Variants in CETP observed in about 807,000 individuals in gnomAD.
The protein encoded by CETP is BPI fold containing family F.
Under a neutral mutation model 66.5 loss-of-function variants are expected in CETP, and 56 were observed. That is an observed-to-expected ratio of 0.84 (90% CI 0.68 to 1.05). CETP has a LOEUF of 1.05. Ranked by LOEUF, CETP falls within the 50% of genes least tolerant of loss-of-function variation. The pLI, the probability that CETP is intolerant of heterozygous loss-of-function variation, is 0.00. For synonymous variants in CETP, 251 were observed against 245.7 expected (o/e 1.02, Z -0.20); for missense variants, 612 against 609.6 (o/e 1.00, Z -0.04).
chr16:56,965,866 C>T lies in CETP; in HGVS notation c.233+2742C>T, dbSNP rs17237946. 9.1e-3 allele frequency among the ~76,000 whole-genome samples: 1,386 copies of T among 151,958 alleles called. 18 individuals carry two copies. The highest frequency in any genetic ancestry group is 0.033 in the African/African-American group (1,349 of 41,370). On this transcript the variant is annotated intron_variant, in intron 2 of 15. Coordinates refer to ENST00000200676, the MANE Select transcript of CETP (RefSeq NM_000078.3). ...GCCCCACCTCTGACCAAGTCCCCGG[C>T]GGCACAGGCAGCACAGATCCTCTGC...
rs530819073 is a variant in CETP, at chr16:56,976,197, C to T, written c.981+1046C>T. The stretch of plus-strand genomic sequence containing the variant: ...ATCTCTAGTGGGGACCCATCTGTAG[C>T]TCCCGGTGGGTCTCCCTGTGTCCTG... On this transcript the variant is annotated intron_variant, in intron 10 of 15. Transcript: ENST00000200676. 2.0e-5 allele frequency among the ~76,000 whole-genome samples: 3 copies of T among 152,320 alleles called. No homozygotes were observed. In the East Asian group the frequency reaches 5.8e-4, roughly 29 times the overall value.
intron 8 of CETP, 118 bp from the exon 9 acceptor site, chr16:56,973,213 C>A: frequency 9.3e-7 from 1 of 1,079,610 alleles, no homozygotes; most frequent in Non-Finnish European, 1.4e-6. Context: ...CAGCTCTTTC[C>A]TCAGTTTCCC....
Position 56,971,850 on chromosome 16 carries a change from C to T in CETP, c.659-142C>T, listed in dbSNP as rs117040820. 7,172 of 750,094 alleles carry T rather than the reference C, an allele frequency of 9.6e-3. 42 individuals carry two copies. Among genetic ancestry groups the T allele is most frequent in the Non-Finnish European group, 0.013 (5,662 of 419,762 alleles). 46.5% of individuals were successfully genotyped at this position (750,094 alleles called of 1,614,324 possible). On this transcript the variant is annotated intron_variant, in intron 7 of 15. Coordinates refer to ENST00000200676, the MANE Select transcript of CETP (RefSeq NM_000078.3). Reference sequence around the variant, plus strand: ...AAAGAGAGAATGAAAAAGTGCCACACCCCTCCCCGCACACCCAGGTCCCAC... The same window carrying T: ...AAAGAGAGAATGAAAAAGTGCCACATCCCTCCCCGCACACCCAGGTCCCAC...
intron 3 of CETP, 25 bp downstream of exon 3, chr16:56,969,545 C>T (rs773552065): frequency 1.9e-6 from 3 of 1,614,228 alleles, no homozygotes; most frequent in Non-Finnish European, 2.5e-6. Flanking sequence ...CAGCTGATGC[C>T]CCATGCCCTG....
intron 2 of CETP, among the ~76,000 whole-genome samples, chr16:56,967,895 G>T (rs2056079350): frequency 6.6e-6 from 1 of 151,164 alleles, no homozygotes; most frequent in South Asian, 2.1e-4. Context: ...GGAATTCGAG[G>T]CTGCAGTGAA....
chr16:56,979,868 T>C (rs2056175958), intron 11 of CETP, among the ~76,000 whole-genome samples: 1 of 152,204 alleles, frequency 6.6e-6, no homozygotes, highest in South Asian at 2.1e-4. Context: ...GTGGAAAATA[T>C]AGAAAAATAG....
Position 56,981,175 on chromosome 16 carries a change from C to A in CETP, c.1164C>A (p.Val388=). ...CTCCCCAGGATATCGTGACTACCGT[C>A]CAGGCCTCCTATTCTAAGAAAAAGC... ...YTFEEDIVTT[V]QASYSKKKLF... is the part of the protein sequence containing the mutation. Residue 388 remains valine, a synonymous_variant, in exon 12 of 16, where the codon GTC becomes GTA. Coordinates refer to ENST00000200676, the MANE Select transcript of CETP (RefSeq NM_000078.3). 1 of 1,613,674 alleles carries A rather than the reference C, an allele frequency of 6.2e-7. No homozygotes were observed. Among genetic ancestry groups the A allele is most frequent in the African/African-American group, 1.3e-5 (1 of 75,048 alleles).
intron 10 of CETP, among the ~76,000 whole-genome samples, chr16:56,977,201 G>A (rs569359327): frequency 5.9e-5 from 9 of 152,236 alleles, no homozygotes; most frequent in East Asian, 3.9e-4. Context: ...GTGAGCTCCC[G>A]CACCCCGCCG....
chr16:56,981,718 G>A (rs765052489), intron 13 of CETP, 38 bp downstream of exon 13: 2 of 1,607,900 alleles, frequency 1.2e-6, no homozygotes, highest in South Asian at 2.2e-5. Flanking sequence ...AATAAGTCCT[G>A]TGGGACCTCC....
intron 13 of CETP, among the ~76,000 whole-genome samples, chr16:56,981,924 C>A (rs538286514): frequency 2.9e-4 from 44 of 152,148 alleles, no homozygotes; most frequent in Non-Finnish European, 4.4e-4. Context: ...ACTGGCCAAG[C>A]AGCGCCTCCC....
Position 56,973,414 on chromosome 16 carries a change from G to A in CETP, c.834G>A (p.Leu278=), listed in dbSNP as rs779630141. 6.2e-7 allele frequency: 1 copy of A among 1,614,202 alleles called. No individual in the cohort carries two copies. Among genetic ancestry groups the A allele is most frequent in the East Asian group, 2.2e-5 (1 of 44,890 alleles). ...SPTLLGDSRM[L]YFWFSERVFH... is the part of the protein sequence containing the mutation. ...CACTGCTGGGGGACTCCCGCATGCTGTACTTCTGGTTCTCTGAGCGAGTCT... is the reference window on the plus strand; with the variant it reads ...CACTGCTGGGGGACTCCCGCATGCTATACTTCTGGTTCTCTGAGCGAGTCT... The change falls in exon 9 of 16, where the codon CTG becomes CTA. Residue 278 remains leucine, a synonymous_variant. Transcript: ENST00000200676.
rs752197781 is a variant in CETP, at chr16:56,969,695, G to A, written c.439+14G>A. 9.9e-6 allele frequency: 16 copies of A among 1,613,142 alleles called. No homozygotes were observed. Among genetic ancestry groups the A allele is most frequent in the South Asian group, 4.4e-5 (4 of 91,078 alleles). On this transcript the variant is annotated intron_variant, in intron 4 of 15. Transcript: ENST00000200676. Reference sequence around the variant, plus strand: ...ACACACAGCTGAGTATGTGTCAAGCGTCCTCTGGGGAAGTGGGAGCTGGAC... The same window carrying A: ...ACACACAGCTGAGTATGTGTCAAGCATCCTCTGGGGAAGTGGGAGCTGGAC...
At position 56,982,336 on chromosome 16, in the gene CETP, T is replaced by G. The variant is rs1420876180; in HGVS notation, c.1321+99T>G. 1.4e-5 allele frequency: 16 copies of G among 1,143,304 alleles called. No homozygotes were observed. The African/African-American group carries it at 2.4e-4, about 17-fold the overall frequency. The allele number at this position is 1,143,304 out of a possible 1,614,324, so 70.8% of individuals were successfully genotyped here. The stretch of plus-strand genomic sequence containing the variant: ...CAGGCAGAGCTTCAGGTGCCCCTCT[T>G]CCCAGTCATTGATACTTAGCGGTCC... On this transcript the variant is annotated intron_variant, in intron 14 of 15. Transcript: ENST00000200676.
chr16:56,962,493 A>G (rs1367029369), intron 1 of CETP: 1 of 428,232 alleles, frequency 2.3e-6, no homozygotes, highest in Non-Finnish European at 4.6e-6. Context: ...GGTTGCCATG[A>G]GCTCAGGTGA....
chr16:56,962,154 T>C lies in CETP; in HGVS notation c.118+57T>C, dbSNP rs1371244340. 3.1e-5 allele frequency: 44 copies of C among 1,440,162 alleles called. 1 individual carries two copies. Among genetic ancestry groups the C allele is most frequent in the Non-Finnish European group, 4.0e-5 (41 of 1,024,296 alleles). 89.2% of individuals were successfully genotyped at this position (1,440,162 alleles called of 1,614,324 possible). A position where few individuals can be genotyped will look rare whatever the true frequency, so the allele number is the denominator to read the frequency against. ...GGGGTCTTTTCATGGACACCCACTA[T>C]GCCAGGAGCCTCCCTGGCCTGAAGC... On this transcript the variant is annotated intron_variant, in intron 1 of 15. Coordinates refer to ENST00000200676, the MANE Select transcript of CETP (RefSeq NM_000078.3).
chr16:56,970,112 C>T, intron 5 of CETP, 111 bp downstream of exon 5: 2 of 977,090 alleles, frequency 2.0e-6, no homozygotes, highest in South Asian at 2.7e-5. Flanking sequence ...GGTGGCCAAA[C>T]CTGAGGGCAG....
chr16:56,970,399 C>T (rs1176274709), intron 5 of CETP, among the ~76,000 whole-genome samples: 1 of 152,160 alleles, frequency 6.6e-6, no homozygotes, highest in Non-Finnish European at 1.5e-5. Flanking sequence ...TCCTGCATTC[C>T]AAGCACCACA....
intron 2 of CETP, among the ~76,000 whole-genome samples, chr16:56,964,757 C>T (rs1300212500): frequency 6.6e-6 from 1 of 152,252 alleles, no homozygotes; most frequent in Non-Finnish European, 1.5e-5. Context: ...AAAACTCCCG[C>T]CGCTAGCGGG....
chr16:56,967,559 G>A (rs556471622), intron 2 of CETP, among the ~76,000 whole-genome samples: 1 of 151,654 alleles, frequency 6.6e-6, no homozygotes, highest in Non-Finnish European at 1.5e-5. Context: ...GGAGGCTGAG[G>A]CAGGAGAATC....
Sources: gnomAD v4.1 joint callset for allele counts (sites outside exome capture counted in the v4.1 genomes callset) on GRCh38, gnomAD v4.1.1 for gene constraint, MANE v1.5 for transcripts, NCBI Gene and HGNC (gene_info 2026-07-23, HGNC 2026-07-21) for gene names.